BRI3BP: variants seen among roughly 807,000 people sequenced by gnomAD.
BRI3BP encodes the protein BRI3-binding protein.
In BRI3BP, 7 loss-of-function variants were observed where a neutral mutation model predicts 15.8. The ratio of observed to expected loss-of-function variants is 0.44; its 90% CI spans 0.25 to 0.83. BRI3BP has a LOEUF of 0.83. Ranked by LOEUF, BRI3BP falls within the 40% of genes least tolerant of loss-of-function variation. The pLI is 0.20. For synonymous variants in BRI3BP, 192 were observed against 163.5 expected, an observed-to-expected ratio of 1.17 and a Z score of -1.33; for missense variants, 320 against 339.3, an observed-to-expected ratio of 0.94 and a Z score of 0.45.
chr12:125,009,123 G>A (rs1000024313), intron 1 of BRI3BP, among the ~76,000 whole-genome samples: 3 of 151,312 alleles, frequency 2.0e-5, no homozygotes, highest in East Asian at 1.9e-4. Flanking sequence ...AATTACAGGC[G>A]CACAACACTA....
rs1955020370 is a variant in BRI3BP, at chr12:124,994,142, T to G, written c.213+139T>G. On this transcript the variant is annotated intron_variant, in intron 1 of 2. Coordinates refer to ENST00000341446, the MANE Select transcript of BRI3BP (RefSeq NM_080626.6). ...GGGAAGAGGGGGTCCGGCCTGCGCC[T>G]CGGGGCCTGCCGCCTGCGGCCCCCG... is the stretch of plus-strand genomic sequence containing the variant. 2.3e-5 allele frequency: 12 copies of G among 525,384 alleles called. No homozygotes were observed. The South Asian group carries it at 1.1e-3, about 46-fold the overall frequency. The allele number at this position is 525,384 out of a possible 1,614,324, so 32.5% of individuals were successfully genotyped here.
chr12:125,003,998 CACACAA>C (rs1955121144), intron 1 of BRI3BP, among the ~76,000 whole-genome samples: 2 of 15,716 alleles, frequency 1.3e-4, no homozygotes, highest in African/African-American at 1.1e-3. Context: ...CACACACACA[CACACAA>C]CACACAATAC....
the BRI3BP span, among the ~76,000 whole-genome samples, chr12:125,037,639 G>C: frequency 7.8e-6 from 1 of 128,708 alleles, no homozygotes; most frequent in Non-Finnish European, 1.7e-5. Context: ...GTGAAACCCC[G>C]TCTCTACTAA....
Position 125,025,305 on chromosome 12 carries a change from G to C in BRI3BP, c.631G>C (p.Gly211Arg). The C allele has an allele frequency of 6.2e-7, 1 of 1,605,718 alleles. No homozygotes were observed. Among genetic ancestry groups the C allele is most frequent in the Non-Finnish European group, 8.5e-7 (1 of 1,173,350 alleles). Residue 211 changes from glycine (G) to arginine (R), a missense_variant, in exon 3 of 3, where the codon GGC becomes CGC. Gly to Arg is a moderately radical substitution (Grantham distance 125). Coordinates refer to ENST00000341446, the MANE Select transcript of BRI3BP (RefSeq NM_080626.6). ...MGFYWRSSPS[G>R]PSNPSNPSVE... ...CTTCTACTGGCGAAGCAGTCCCAGCGGCCCCAGCAACCCCAGCAACCCCAG... is the reference window on the plus strand; with the variant it reads ...CTTCTACTGGCGAAGCAGTCCCAGCCGCCCCAGCAACCCCAGCAACCCCAG...
chr12:125,050,827 A>G, the BRI3BP span, among the ~76,000 whole-genome samples: 1 of 152,178 alleles, frequency 6.6e-6, no homozygotes, highest in Non-Finnish European at 1.5e-5. Context: ...CCATCTGCAT[A>G]AGAGATAGTA....
At chr12:125,004,324 C>T (rs180813793) in intron 1 of BRI3BP, among the ~76,000 whole-genome samples, 1 of 152,112 alleles carries the variant, frequency 6.6e-6, no homozygotes, top group Non-Finnish European at 1.5e-5. Context: ...TACATGCCAC[C>T]ATGCCCAGCT....
the BRI3BP span, among the ~76,000 whole-genome samples, chr12:125,037,741 G>A: frequency 3.3e-5 from 5 of 151,694 alleles, no homozygotes; most frequent in African/African-American, 1.2e-4. Context: ...GAACCCAGGA[G>A]GCAGAGATTG....
At chr12:125,000,020 T>C (rs1402481654) in intron 1 of BRI3BP, among the ~76,000 whole-genome samples, 3 of 138,418 alleles carry the variant, frequency 2.2e-5, no homozygotes, top group Admixed American at 7.4e-5. Context: ...GTTTTTCTTT[T>C]TTTTTTTTTT....
chr12:125,004,144 CTTTT>C (rs1405777579), intron 1 of BRI3BP, among the ~76,000 whole-genome samples: 1 of 152,130 alleles, frequency 6.6e-6, no homozygotes, highest in Non-Finnish European at 1.5e-5. Context: ...CATGAAGTGT[CTTTT>C]AAGTCTCTTT....
At chr12:125,012,372 A>C (rs1955203831) in intron 1 of BRI3BP, among the ~76,000 whole-genome samples, 162 bp from the exon 2 acceptor site, 1 of 152,190 alleles carries the variant, frequency 6.6e-6, no homozygotes, top group African/African-American at 2.4e-5. Context: ...ATCAGTACCC[A>C]GTTCAAGTCA....
the BRI3BP span, among the ~76,000 whole-genome samples, chr12:125,039,688 G>A: frequency 0.55 from 83,821 of 151,698 alleles, 24,528 homozygotes; most frequent in East Asian, 0.69. Context: ...TCATGGAGAC[G>A]TGGAGGCTTA....
At chr12:125,031,574 A>ATTTTTTT (rs367625363), downstream of BRI3BP, among the ~76,000 whole-genome samples, 95 of 84,194 alleles carry the variant, frequency 1.1e-3, 2 homozygotes, top group African/African-American at 2.5e-3. Flanking sequence ...TTTTCTTTCT[A>ATTTTTTT]TTTTTTTTTT....
intron 1 of BRI3BP, among the ~76,000 whole-genome samples, chr12:125,006,865 A>G (rs1955148514): frequency 6.6e-6 from 1 of 152,106 alleles, no homozygotes; most frequent in South Asian, 2.1e-4. Context: ...TTTCTCACAA[A>G]AACCTTTCTT....
Position 125,022,541 on chromosome 12 carries a change from A to ATTTATTTATTTATTTATTTTTTTTT in BRI3BP, c.317-2447_317-2446insATTTATTTATTTATTTTTTTTTTTT. ...TTATTATTTATTTATTTATTTATTT[A>ATTTATTTATTTATTTATTTTTTTTT]TTTTTTGAGACAGAGCCTCACTGTG... On this transcript the variant is annotated intron_variant, in intron 2 of 2. Coordinates refer to ENST00000341446, the MANE Select transcript of BRI3BP (RefSeq NM_080626.6). Among the ~76,000 whole-genome samples the ATTTATTTATTTATTTATTTTTTTTT allele has an allele frequency of 1.3e-3, 180 of 139,422 alleles. 2 individuals carry two copies. The highest frequency in any genetic ancestry group is 5.0e-3 in the African/African-American group (174 of 34,520). 91.5% of individuals were successfully genotyped at this position (139,422 alleles called of 152,430 possible).
chr12:125,013,725 G>A (rs1167038907), intron 2 of BRI3BP, among the ~76,000 whole-genome samples: 1 of 152,200 alleles, frequency 6.6e-6, no homozygotes, highest in African/African-American at 2.4e-5. Flanking sequence ...CAGGGGAGCT[G>A]GCCCCTGGTT....
chr12:125,018,441 A>T (rs578042830), intron 2 of BRI3BP, among the ~76,000 whole-genome samples: 22 of 152,184 alleles, frequency 1.4e-4, no homozygotes, highest in African/African-American at 5.3e-4. Context: ...CGGTGTCCTT[A>T]TACGAAGGGG....
At chr12:124,995,777 G>A (rs984104926) in intron 1 of BRI3BP, among the ~76,000 whole-genome samples, 1 of 152,222 alleles carries the variant, frequency 6.6e-6, no homozygotes, top group Non-Finnish European at 1.5e-5. Context: ...CAGGTCAGAT[G>A]AGTGGCAGAG....
chr12:124,999,316 T>TC (rs1955064212), intron 1 of BRI3BP, among the ~76,000 whole-genome samples: 1 of 152,120 alleles, frequency 6.6e-6, no homozygotes. Flanking sequence ...ACCACCCCCT[T>TC]CCCCGAAGCA....
chr12:125,019,569 C>T (rs374706723), intron 2 of BRI3BP, among the ~76,000 whole-genome samples: 29 of 150,252 alleles, frequency 1.9e-4, no homozygotes, highest in African/African-American at 6.2e-4. Context: ...ATTGATGCCA[C>T]GTTAAGATGA....
Sources: gnomAD v4.1 joint callset for allele counts (sites outside exome capture counted in the v4.1 genomes callset) on GRCh38, gnomAD v4.1.1 for gene constraint, MANE v1.5 for transcripts, NCBI Gene and HGNC (gene_info 2026-07-23, HGNC 2026-07-21) for gene names.